Variants in MARCHF11 observed in about 807,000 individuals in gnomAD.
MARCHF11 encodes membrane associated ring-CH-type finger 11.
In MARCHF11, 29 loss-of-function variants were observed where a neutral mutation model predicts 37.3. The observed-to-expected ratio is 0.78, with a 90% CI of 0.58 to 1.06. The LOEUF (loss-of-function observed/expected upper bound fraction) is 1.06. Among genes scored for constraint, MARCHF11 ranks in the 50% least tolerant of loss-of-function variants. The pLI is 0.00. For missense variants in MARCHF11, 482 were observed against 533.4 expected, an observed-to-expected ratio of 0.90 and a Z score of 0.95; for synonymous variants, 233 against 228.0, an observed-to-expected ratio of 1.02 and a Z score of -0.20.
At chr5:16,143,481 G>A (rs1474746505) in intron 2 of MARCHF11, among the ~76,000 whole-genome samples, 3 of 152,170 alleles carry the variant, frequency 2.0e-5, no homozygotes, top group African/African-American at 4.8e-5. Flanking sequence ...ACTGGATGTC[G>A]ATATTTTCCC....
intron 2 of MARCHF11, among the ~76,000 whole-genome samples, chr5:16,120,508 G>A (rs777631670): frequency 6.6e-6 from 1 of 152,192 alleles, no homozygotes; most frequent in African/African-American, 2.4e-5. Flanking sequence ...TGCTTCACAC[G>A]CTCAGATGGC....
intron 2 of MARCHF11, among the ~76,000 whole-genome samples, chr5:16,093,518 A>T (rs1736818061): frequency 1.3e-5 from 2 of 152,052 alleles, no homozygotes; most frequent in Non-Finnish European, 2.9e-5. Flanking sequence ...GACCCAGGAA[A>T]TCGAGTGGCC....
chr5:16,150,082 T>A (rs1737867075), intron 2 of MARCHF11, among the ~76,000 whole-genome samples: 1 of 149,450 alleles, frequency 6.7e-6, no homozygotes, highest in Non-Finnish European at 1.5e-5. Context: ...TCTGTCTTGA[T>A]CTGGGTGGTG....
chr5:16,124,621 T>G (rs994147976), intron 2 of MARCHF11, among the ~76,000 whole-genome samples: 3 of 152,126 alleles, frequency 2.0e-5, no homozygotes, highest in Non-Finnish European at 4.4e-5. Flanking sequence ...CTTAATAGAC[T>G]TGCAGAGAAT....
chr5:16,179,200 C>T lies in MARCHF11; in HGVS notation c.376G>A (p.Ala126Thr). The change falls in exon 1 of 4, where the codon GCG (alanine) becomes ACG (threonine). Residue 126 changes from alanine (A) to threonine (T), a missense_variant. Transcript: ENST00000332432. ...CCCCGCCGCTCGCGCTCGCCGCCCG[C>T]GCCGGCCTCAGACTCCCCGGGGCCG... ...KGGPGESEAG[A>T]GGERERRGAG... 7.5e-7 allele frequency: 1 copy of T among 1,341,058 alleles called. No individual in the cohort carries two copies. The allele number at this position is 1,341,058 out of a possible 1,614,324, so 83.1% of individuals were successfully genotyped here.
At chr5:16,099,051 C>G (rs1736914830) in intron 2 of MARCHF11, among the ~76,000 whole-genome samples, 1 of 151,946 alleles carries the variant, frequency 6.6e-6, no homozygotes, top group South Asian at 2.1e-4. Context: ...TACACACTCA[C>G]TTTTTAAGCT....
intron 2 of MARCHF11, among the ~76,000 whole-genome samples, chr5:16,166,018 T>C (rs943026203): frequency 5.3e-5 from 8 of 152,120 alleles, no homozygotes; most frequent in Non-Finnish European, 7.4e-5. Flanking sequence ...CATTTACTTA[T>C]TTGTTTGATG....
chr5:16,100,285 C>T (rs867104269), intron 2 of MARCHF11, among the ~76,000 whole-genome samples: 6 of 152,088 alleles, frequency 3.9e-5, no homozygotes, highest in East Asian at 1.9e-4. Flanking sequence ...GAAGTGGACA[C>T]GGGAGTAGGC....
At chr5:16,090,793 C>G in intron 3 of MARCHF11, 96 bp downstream of exon 3, 1 of 982,266 alleles carries the variant, frequency 1.0e-6, no homozygotes, top group East Asian at 3.0e-5. Context: ...ATAAGTCAAT[C>G]CACAACATTC....
At chr5:16,105,986 T>C (rs114703720) in intron 2 of MARCHF11, among the ~76,000 whole-genome samples, 1,707 of 152,226 alleles carry the variant, frequency 0.011, 11 homozygotes, top group Non-Finnish European at 0.018. Context: ...GATCATGGCA[T>C]GGGAAACAGA....
At chr5:16,098,221 G>A (rs1248926374) in intron 2 of MARCHF11, among the ~76,000 whole-genome samples, 1 of 152,146 alleles carries the variant, frequency 6.6e-6, no homozygotes, top group African/African-American at 2.4e-5. Flanking sequence ...GTGTGGAGGG[G>A]AAATGCTATC....
At chr5:16,082,630 C>T (rs1736631086) in intron 3 of MARCHF11, among the ~76,000 whole-genome samples, 1 of 152,144 alleles carries the variant, frequency 6.6e-6, no homozygotes, top group Admixed American at 6.6e-5. Context: ...AATTATAAAT[C>T]AGGAAATGGA....
At chr5:16,160,303 T>G (rs1424397345) in intron 2 of MARCHF11, among the ~76,000 whole-genome samples, 5 of 81,448 alleles carry the variant, frequency 6.1e-5, no homozygotes, top group Non-Finnish European at 7.7e-5. Context: ...TATTTATATA[T>G]TTAATATTTA....
intron 3 of MARCHF11, among the ~76,000 whole-genome samples, chr5:16,080,603 T>C (rs16868078): frequency 0.027 from 4,123 of 152,230 alleles, 173 homozygotes; most frequent in African/African-American, 0.094. Context: ...GCCAGTGTTT[T>C]AGCAACTGAT....
chr5:16,115,755 G>A (rs1737218191), intron 2 of MARCHF11, among the ~76,000 whole-genome samples: 1 of 151,792 alleles, frequency 6.6e-6, no homozygotes, highest in African/African-American at 2.4e-5. Context: ...AGCCTCCCAA[G>A]TAGCTGGGAT....
intron 3 of MARCHF11, among the ~76,000 whole-genome samples, chr5:16,083,071 A>G (rs958748040): frequency 2.0e-5 from 3 of 152,208 alleles, no homozygotes; most frequent in African/African-American, 4.8e-5. Flanking sequence ...TTGGGCTCCA[A>G]AAGTCTTGTG....
At chr5:16,077,867 C>T (rs1478677675) in intron 3 of MARCHF11, among the ~76,000 whole-genome samples, 1 of 152,038 alleles carries the variant, frequency 6.6e-6, no homozygotes, top group African/African-American at 2.4e-5. Flanking sequence ...TAATAATGTT[C>T]CCTTTTGTTT....
intron 2 of MARCHF11, among the ~76,000 whole-genome samples, chr5:16,146,901 A>C (rs915592865): frequency 6.6e-6 from 1 of 152,164 alleles, no homozygotes; most frequent in African/African-American, 2.4e-5. Context: ...AGCAAGAGGC[A>C]TAACCAGAGG....
chr5:16,092,424 A>G (rs1736803075), intron 2 of MARCHF11, among the ~76,000 whole-genome samples: 1 of 152,232 alleles, frequency 6.6e-6, no homozygotes, highest in Non-Finnish European at 1.5e-5. Context: ...ACTGTGAGAA[A>G]GAGATTGCCA....
Sources: allele counts gnomAD v4.1 joint callset (sites outside exome capture counted in the v4.1 genomes callset), GRCh38; gene constraint gnomAD v4.1.1; transcripts MANE v1.5; gene names NCBI Gene and HGNC (gene_info 2026-07-23, HGNC 2026-07-21).